MBOAT4: variants seen among roughly 807,000 people sequenced by gnomAD.
MBOAT4 encodes the protein membrane-bound ghrelin O-acyltransferase MBOAT4.
A neutral mutation model predicts 13.2 loss-of-function variants in MBOAT4; 11 were observed. The ratio of observed to expected loss-of-function variants is 0.84; its 90% CI spans 0.53 to 1.38. The LOEUF is 1.38. MBOAT4 is among the 40% of genes most tolerant of loss of function. The pLI is 0.00. For missense variants in MBOAT4, 481 were observed against 527.2 expected, an observed-to-expected ratio of 0.91 and a Z score of 0.86; for synonymous variants, 202 against 210.3, an observed-to-expected ratio of 0.96 and a Z score of 0.34.
intron 2 of MBOAT4, chr8:30,137,353 C>T: frequency 6.4e-7 from 1 of 1,551,656 alleles, no homozygotes; most frequent in South Asian, 1.2e-5. Flanking sequence ...GCTGCCTCTC[C>T]CAGCAGCCGC....
chr8:30,137,866 A>G (rs902145422), intron 2 of MBOAT4: 1 of 267,284 alleles, frequency 3.7e-6, no homozygotes, highest in Admixed American at 5.1e-5. Context: ...GCTGGAGATG[A>G]CAAGATTCTG....
In MBOAT4 at chr8:30,131,998, A is replaced by G. The variant is rs1803025205; in HGVS notation, c.1253T>C (p.Met418Thr). The change falls in exon 3 of 3, where the codon ATG (methionine) becomes ACG (threonine). Residue 418 changes from methionine (M) to threonine (T), a missense_variant. Met to Thr is a moderately conservative substitution (Grantham distance 81, BLOSUM62 -1). Transcript: ENST00000320542. The part of the protein sequence containing the change: ...LCNSYNSVFP[M>T]VYCILLLLLA... ...TAGCAAAAGCAGAATACAGTACACC[A>G]TGGGAAAGACACTGTTGTACGAATT... is the stretch of plus-strand genomic sequence containing the variant. 2 of 1,552,008 alleles carry G rather than the reference A, an allele frequency of 1.3e-6. No individual in the cohort carries two copies. Among genetic ancestry groups the G allele is most frequent in the Admixed American group, 2.0e-5 (1 of 50,990 alleles).
chr8:30,134,483 C>T (rs936557357), intron 2 of MBOAT4, among the ~76,000 whole-genome samples: 6 of 151,636 alleles, frequency 4.0e-5, no homozygotes, highest in African/African-American at 1.2e-4. Flanking sequence ...TACCTGAAAA[C>T]ACATACGATG....
chr8:30,135,427 G>A (rs2117539321), intron 2 of MBOAT4, among the ~76,000 whole-genome samples: 1 of 152,288 alleles, frequency 6.6e-6, no homozygotes, highest in East Asian at 1.9e-4. Context: ...AAGATAGGAA[G>A]CTGAAGATTT....
chr8:30,143,366 A>AAAAAAAAAAAAAAAATAT (rs1803294696), intron 1 of MBOAT4, among the ~76,000 whole-genome samples: 1 of 20,456 alleles, frequency 4.9e-5, no homozygotes, highest in African/African-American at 8.4e-5. Flanking sequence ...AAAAAAAAAA[A>AAAAAAAAAAAAAAAATAT]ATATATATAT....
intron 2 of MBOAT4, 31 bp from the exon 3 acceptor site, chr8:30,132,937 A>G: frequency 6.8e-7 from 1 of 1,480,802 alleles, no homozygotes; most frequent in South Asian, 1.4e-5. Flanking sequence ...GAACATAAAA[A>G]CACTCTGTAT....
In MBOAT4 at chr8:30,144,587, C is replaced by T; in HGVS notation, c.15G>A (p.Trp5Ter). MEWL[W>*]LFFLHPISFY... ...ACGATATAGGATGGAGAAAGAACAGCCAAAGCCACTCCATTAGGAACCAGA... is the reference window on the plus strand; with the variant it reads ...ACGATATAGGATGGAGAAAGAACAGTCAAAGCCACTCCATTAGGAACCAGA... The change falls in exon 1 of 3, where the codon TGG becomes TGA. Residue 5 changes from tryptophan (W) to a stop codon, truncating the protein, a stop_gained. Coordinates refer to ENST00000320542, the MANE Select transcript of MBOAT4 (RefSeq NM_001100916.2). LOFTEE classifies it high-confidence loss of function. 1 of 1,550,216 alleles carries T rather than the reference C, an allele frequency of 6.5e-7. No homozygotes were observed. The highest frequency in any genetic ancestry group is 8.7e-7 in the Non-Finnish European group (1 of 1,146,000).
At chr8:30,140,947 C>T (rs147414408) in intron 1 of MBOAT4, among the ~76,000 whole-genome samples, 170 of 152,246 alleles carry the variant, frequency 1.1e-3, no homozygotes, top group African/African-American at 3.9e-3. Context: ...AAGAAATCCT[C>T]CCACCTCAGC....
At chr8:30,138,970 G>A (rs1803211546) in intron 1 of MBOAT4, among the ~76,000 whole-genome samples, 1 of 88,200 alleles carries the variant, frequency 1.1e-5, no homozygotes, top group Non-Finnish European at 2.3e-5. Context: ...CCACCTTGGA[G>A]ACAAATCTTT....
chr8:30,133,008 G>C (rs760549304), intron 2 of MBOAT4, 102 bp from the exon 3 acceptor site: 3 of 1,141,010 alleles, frequency 2.6e-6, no homozygotes, highest in Non-Finnish European at 3.6e-6. Context: ...AGATAGGTCT[G>C]TACAGCTAAG....
At chr8:30,133,693 G>A (rs144460215) in intron 2 of MBOAT4, among the ~76,000 whole-genome samples, 2 of 151,376 alleles carry the variant, frequency 1.3e-5, no homozygotes, top group Admixed American at 1.3e-4. Context: ...GGAGGCTGAC[G>A]TGGGTGGAAC....
intron 1 of MBOAT4, among the ~76,000 whole-genome samples, chr8:30,143,347 C>CAAAAAAAAAAAAAAAAAAA (rs776274086): frequency 5.6e-5 from 8 of 143,510 alleles, no homozygotes; most frequent in African/African-American, 2.0e-4. Context: ...GACTCCGTCT[C>CAAAAAAAAAAAAAAAAAAA]AAAAAAAAAA....
chr8:30,137,061 C>A (rs566356476), intron 2 of MBOAT4, among the ~76,000 whole-genome samples: 1 of 151,996 alleles, frequency 6.6e-6, no homozygotes, highest in Admixed American at 6.6e-5. Flanking sequence ...GCAAGTGAAC[C>A]AACCGCAGGC....
chr8:30,142,078 A>C (rs1254388532), intron 1 of MBOAT4, among the ~76,000 whole-genome samples: 1 of 152,202 alleles, frequency 6.6e-6, no homozygotes, highest in Non-Finnish European at 1.5e-5. Context: ...GAGATTTATA[A>C]ACATTAAATT....
At chr8:30,139,453 C>A (rs150711334) in intron 1 of MBOAT4, among the ~76,000 whole-genome samples, 3 of 152,232 alleles carry the variant, frequency 2.0e-5, no homozygotes, top group African/African-American at 4.8e-5. Flanking sequence ...TCTAGAAGAG[C>A]GCCCTAGGCA....
intron 2 of MBOAT4, chr8:30,137,210 T>C (rs967688609): frequency 4.6e-5 from 56 of 1,220,978 alleles, no homozygotes; most frequent in Non-Finnish European, 7.0e-6. Flanking sequence ...ATCTCAGGGA[T>C]CTTGCTGATT....
At chr8:30,140,663 T>C (rs1803247260) in intron 1 of MBOAT4, among the ~76,000 whole-genome samples, 1 of 152,162 alleles carries the variant, frequency 6.6e-6, no homozygotes, top group Admixed American at 6.5e-5. Context: ...ATCTTGTACA[T>C]TTTGGCTGGT....
chr8:30,142,816 A>T (rs1803283676), intron 1 of MBOAT4, among the ~76,000 whole-genome samples: 1 of 152,230 alleles, frequency 6.6e-6, no homozygotes, highest in Non-Finnish European at 1.5e-5. Flanking sequence ...GGGCCATGAG[A>T]CAGTTGTGAA....
At chr8:30,143,467 T>G (rs1803298438) in intron 1 of MBOAT4, among the ~76,000 whole-genome samples, 1 of 152,058 alleles carries the variant, frequency 6.6e-6, no homozygotes, top group Non-Finnish European at 1.5e-5. Flanking sequence ...GTAGCCATGT[T>G]AACAGTACAC....
Sources: allele counts gnomAD v4.1 joint callset (sites outside exome capture counted in the v4.1 genomes callset), GRCh38; gene constraint gnomAD v4.1.1; transcripts MANE v1.5; gene names NCBI Gene and HGNC (gene_info 2026-07-23, HGNC 2026-07-21).